NYAP2: variants seen among roughly 807,000 people sequenced by gnomAD.
NYAP2 encodes the protein neuronal tyrosine-phosphorylated phosphoinositide-3-kinase adapter 2.
Under a neutral mutation model 50.4 loss-of-function variants are expected in NYAP2, and 23 were observed. That is an observed-to-expected ratio of 0.46 (90% CI 0.33 to 0.65). The LOEUF is 0.65. NYAP2 is among the 30% of genes least tolerant of loss of function. NYAP2 has a pLI of 0.02. For missense variants in NYAP2, 885 were observed against 861.0 expected (o/e 1.03, Z -0.35); for synonymous variants, 394 against 365.2 (o/e 1.08, Z -0.90).
At chr2:225,653,360 A>G (rs1356420210) in exon 7 of NYAP2, 2 of 152,182 alleles carry the variant, frequency 1.3e-5, no homozygotes, top group Non-Finnish European at 2.9e-5. Flanking sequence ...CTCTCAATGA[A>G]AGCAGGTTCT....
At chr2:225,537,558 T>C (rs532951826) in intron 4 of NYAP2, among the ~76,000 whole-genome samples, 1 of 152,266 alleles carries the variant, frequency 6.6e-6, no homozygotes, top group South Asian at 2.1e-4. Flanking sequence ...ACTATCATGA[T>C]AATGGCATGG....
chr2:225,674,984 A>C, the NYAP2 span, among the ~76,000 whole-genome samples: 1 of 152,092 alleles, frequency 6.6e-6, no homozygotes, highest in Admixed American at 6.6e-5. Context: ...GAAAGGATGA[A>C]ATTCTTAATA....
intron 3 of NYAP2, among the ~76,000 whole-genome samples, chr2:225,429,237 GAATCA>G (rs1347394267): frequency 6.6e-6 from 1 of 152,172 alleles, no homozygotes; most frequent in Admixed American, 6.5e-5. Flanking sequence ...TCTTGTATAT[GAATCA>G]AATCTGGCAG....
At chr2:225,420,959 G>A (rs1055780772) in intron 3 of NYAP2, among the ~76,000 whole-genome samples, 14 of 151,668 alleles carry the variant, frequency 9.2e-5, no homozygotes, top group African/African-American at 3.4e-4. Flanking sequence ...ATCTCCCTCT[G>A]TTGCCCAGGC....
intron 4 of NYAP2, among the ~76,000 whole-genome samples, chr2:225,534,841 GC>G (rs1230231895): frequency 6.6e-6 from 1 of 152,192 alleles, no homozygotes. Flanking sequence ...AACTCCCAGG[GC>G]TGAGTCAGAG....
intron 3 of NYAP2, among the ~76,000 whole-genome samples, chr2:225,449,886 G>C (rs1689623742): frequency 6.6e-6 from 1 of 151,850 alleles, no homozygotes; most frequent in African/African-American, 2.4e-5. Flanking sequence ...CAAAATGCTG[G>C]GATTACAGTC....
rs145448458 is a variant in NYAP2, at chr2:225,645,215, G to A, written c.1829-6217G>A. 2.7e-3 allele frequency among the ~76,000 whole-genome samples: 408 copies of A among 148,518 alleles called. 6 individuals are homozygous for A. The highest frequency in any genetic ancestry group is 9.8e-3 in the African/African-American group (392 of 40,100). ...GGAGGTTGCAGTGAGCTGAGATCAC[G>A]TCACTGCACTCCAGCCTGGGCAGAA... On this transcript the variant is annotated intron_variant, in intron 6 of 6. Transcript: ENST00000636099.
At chr2:225,658,620 A>G (rs1042636041), downstream of NYAP2, among the ~76,000 whole-genome samples, 7 of 152,180 alleles carry the variant, frequency 4.6e-5, no homozygotes, top group Admixed American at 3.3e-4. Flanking sequence ...TATAAAAAGC[A>G]TTATCTTATG....
chr2:225,642,555 G>A (rs61677583), intron 6 of NYAP2, among the ~76,000 whole-genome samples: 30,100 of 152,022 alleles, frequency 0.2, 3,362 homozygotes, highest in African/African-American at 0.3. Flanking sequence ...AAAAGGTATA[G>A]CTCTTTCCCA....
At chr2:225,661,720 C>T in the NYAP2 span, among the ~76,000 whole-genome samples, 340 of 106,024 alleles carry the variant, frequency 3.2e-3, 2 homozygotes, top group African/African-American at 8.8e-3. Flanking sequence ...TTTGAATTTG[C>T]TCTCTCTTTT....
the NYAP2 span, among the ~76,000 whole-genome samples, chr2:225,662,944 G>A: frequency 5.9e-5 from 9 of 151,992 alleles, no homozygotes; most frequent in African/African-American, 1.2e-4. Context: ...CAGGCCTCGC[G>A]GAATTTCCAA....
intron 4 of NYAP2, among the ~76,000 whole-genome samples, chr2:225,562,457 G>T (rs987977742): frequency 6.6e-6 from 1 of 152,116 alleles, no homozygotes; most frequent in Admixed American, 6.6e-5. Flanking sequence ...TTATTTTCTG[G>T]TCTAAGTACT....
At chr2:225,510,864 A>T (rs972316407) in intron 3 of NYAP2, among the ~76,000 whole-genome samples, 3 of 152,092 alleles carry the variant, frequency 2.0e-5, no homozygotes, top group African/African-American at 7.2e-5. Flanking sequence ...TATGCTGTTA[A>T]AAAAGATAAT....
At chr2:225,434,454 G>T (rs967729437) in intron 3 of NYAP2, among the ~76,000 whole-genome samples, 2 of 152,164 alleles carry the variant, frequency 1.3e-5, no homozygotes, top group Admixed American at 6.5e-5. Flanking sequence ...AAAAGTAGAG[G>T]CTTGAAAATT....
intron 5 of NYAP2, among the ~76,000 whole-genome samples, chr2:225,620,807 C>T (rs1160237320): frequency 1.3e-5 from 2 of 152,088 alleles, no homozygotes; most frequent in Non-Finnish European, 2.9e-5. Flanking sequence ...ACCTAAGTGA[C>T]ACTCCCTGGT....
intron 3 of NYAP2, among the ~76,000 whole-genome samples, chr2:225,411,689 G>A (rs1181410952): frequency 2.0e-5 from 3 of 152,030 alleles, no homozygotes; most frequent in East Asian, 1.9e-4. Flanking sequence ...CAGTAAGAAC[G>A]GTTAGTGAGA....
chr2:225,479,105 G>C (rs1236885501), intron 3 of NYAP2, among the ~76,000 whole-genome samples: 1 of 152,162 alleles, frequency 6.6e-6, no homozygotes, highest in African/African-American at 2.4e-5. Context: ...AACAGTCAAC[G>C]AGTGGGAGCC....
At chr2:225,659,327 T>A in the NYAP2 span, among the ~76,000 whole-genome samples, 1 of 152,188 alleles carries the variant, frequency 6.6e-6, no homozygotes, top group Non-Finnish European at 1.5e-5. Context: ...TATTCAGGGT[T>A]CTTAGGTGAA....
intron 3 of NYAP2, among the ~76,000 whole-genome samples, chr2:225,475,297 A>G (rs1331210340): frequency 6.6e-6 from 1 of 152,134 alleles, no homozygotes; most frequent in Non-Finnish European, 1.5e-5. Context: ...ACCAAACCCT[A>G]CAATACAATG....
Sources: gnomAD v4.1 joint callset for allele counts (sites outside exome capture counted in the v4.1 genomes callset) on GRCh38, gnomAD v4.1.1 for gene constraint, MANE v1.5 for transcripts, NCBI Gene and HGNC (gene_info 2026-07-23, HGNC 2026-07-21) for gene names.